Variants in PLCH2 observed in about 807,000 individuals in gnomAD.
PLCH2 encodes phospholipase C eta 2.
In PLCH2, 98 loss-of-function variants were observed where a neutral mutation model predicts 134.7. The ratio of observed to expected loss-of-function variants is 0.73; its 90% CI spans 0.62 to 0.86. The LOEUF (loss-of-function observed/expected upper bound fraction) is 0.86. PLCH2 is among the 40% of genes least tolerant of loss of function. The pLI, the probability that PLCH2 is intolerant of heterozygous loss-of-function variation, is 0.00. For synonymous variants in PLCH2, 974 were observed against 827.5 expected (o/e 1.18, Z -3.04); for missense variants, 1,994 against 1,986.6 (o/e 1.00, Z -0.07).
chr1:2,489,508 C>T (rs938707613), intron 9 of PLCH2, 130 bp downstream of exon 9: 2 of 958,762 alleles, frequency 2.1e-6, no homozygotes, highest in Non-Finnish European at 1.6e-6. Context: ...GCTGGCCACG[C>T]TCCTGACCTG....
At chr1:2,422,684 T>C (rs893254500), upstream of PLCH2, among the ~76,000 whole-genome samples, 3 of 152,262 alleles carry the variant, frequency 2.0e-5, no homozygotes, top group Non-Finnish European at 4.4e-5. Flanking sequence ...TTTTTTGTTT[T>C]TGTTATGTTT....
At chr1:2,440,706 G>A (rs1394540044) in intron 2 of PLCH2, among the ~76,000 whole-genome samples, 1 of 151,590 alleles carries the variant, frequency 6.6e-6, no homozygotes, top group Non-Finnish European at 1.5e-5. Context: ...CGGCCTGCCC[G>A]GGGATCTTGC....
intron 11 of PLCH2, 50 bp from the exon 12 acceptor site, chr1:2,494,806 C>T (rs1642786351): frequency 7.3e-7 from 1 of 1,375,428 alleles, no homozygotes; most frequent in African/African-American, 1.4e-5. Context: ...GGCCTCCCTG[C>T]CTGGTTCAAG....
intron 2 of PLCH2, among the ~76,000 whole-genome samples, chr1:2,438,620 C>T (rs1439534523): frequency 1.3e-5 from 2 of 152,186 alleles, no homozygotes; most frequent in Non-Finnish European, 2.9e-5. Flanking sequence ...TTGCCGATTG[C>T]CCAAGAGAGA....
At chr1:2,489,937 C>A in intron 10 of PLCH2, 70 bp downstream of exon 10, 1 of 1,154,586 alleles carries the variant, frequency 8.7e-7, no homozygotes, top group Non-Finnish European at 1.3e-6. Context: ...TCCGTCCTTG[C>A]TGTTGGGGCG....
At chr1:2,416,056 G>T in the PLCH2 span, among the ~76,000 whole-genome samples, 1 of 152,230 alleles carries the variant, frequency 6.6e-6, no homozygotes, top group Non-Finnish European at 1.5e-5. Context: ...GCGGTGGGCA[G>T]CCCCGCAGGT....
chr1:2,419,766 C>T, the PLCH2 span, among the ~76,000 whole-genome samples: 11 of 152,200 alleles, frequency 7.2e-5, no homozygotes, highest in Middle Eastern at 3.4e-3. Context: ...ACTTGGGGGC[C>T]GCTCATCCTT....
chr1:2,502,540 G>T, intron 21 of PLCH2, 131 bp downstream of exon 21: 2 of 991,000 alleles, frequency 2.0e-6, no homozygotes, highest in Non-Finnish European at 3.1e-6. Context: ...GCGCCGGCGT[G>T]AACACCGGGG....
chr1:2,474,130 C>T (rs1260102718), upstream of PLCH2, among the ~76,000 whole-genome samples: 1 of 151,928 alleles, frequency 6.6e-6, no homozygotes, highest in Non-Finnish European at 1.5e-5. Context: ...GGGCTGGGCT[C>T]GCCTGCCGGC....
At chr1:2,495,453 A>G (rs1245529930) in intron 12 of PLCH2, 35 bp from the exon 13 acceptor site, 1 of 1,538,542 alleles carries the variant, frequency 6.5e-7, no homozygotes, top group Non-Finnish European at 8.8e-7. Context: ...CCTGGGCCAG[A>G]GGCCCTACAG....
chr1:2,482,619 G>A (rs368609951), intron 4 of PLCH2, among the ~76,000 whole-genome samples: 18 of 152,028 alleles, frequency 1.2e-4, no homozygotes, highest in African/African-American at 3.4e-4. Flanking sequence ...GGTGTAGGGC[G>A]TGTGGCAGCC....
At position 2,503,232 on chromosome 1, in the gene PLCH2, C is replaced by T. The variant is rs967778237; in HGVS notation, c.2960-690C>T. On this transcript the variant is annotated intron_variant, in intron 21 of 21. Transcript: ENST00000378486. ...CATGCTGGGCCCCTCCGGCTGGGCG[C>T]TTCCCCAAACTCACCTCCTGGGCGG... 1.4e-5 allele frequency: 8 copies of T among 564,238 alleles called. No individual in the cohort carries two copies. The African/African-American group carries it at 1.5e-4, about 11-fold the overall frequency. 35.0% of individuals were successfully genotyped at this position (564,238 alleles called of 1,614,324 possible).
At chr1:2,482,357 C>G (rs111464938) in intron 4 of PLCH2, among the ~76,000 whole-genome samples, 3 of 152,330 alleles carry the variant, frequency 2.0e-5, no homozygotes, top group East Asian at 1.9e-4. Context: ...AGCCCAGGCT[C>G]TGTCCCATGG....
intron 1 of PLCH2, among the ~76,000 whole-genome samples, chr1:2,470,195 T>A (rs535279698): frequency 6.6e-6 from 1 of 152,334 alleles, no homozygotes; most frequent in South Asian, 2.1e-4. Flanking sequence ...GGCCCCTGGC[T>A]GCTCCGACTT....
chr1:2,458,311 C>T (rs1640599014), intron 2 of PLCH2, among the ~76,000 whole-genome samples: 1 of 152,226 alleles, frequency 6.6e-6, no homozygotes, highest in Admixed American at 6.5e-5. Flanking sequence ...CTTGTGCAGG[C>T]ATCCAGCTGC....
chr1:2,423,956 T>G (rs1442540407), upstream of PLCH2, among the ~76,000 whole-genome samples: 1 of 152,170 alleles, frequency 6.6e-6, no homozygotes, highest in Non-Finnish European at 1.5e-5. Context: ...TGAATAATTT[T>G]ATAAAGTTTA....
At chr1:2,471,824 C>A (rs1217960102), upstream of PLCH2, among the ~76,000 whole-genome samples, 1 of 152,182 alleles carries the variant, frequency 6.6e-6, no homozygotes, top group African/African-American at 2.4e-5. Flanking sequence ...AAAGTCAGGC[C>A]CCAGGGCCCC....
chr1:2,417,544 G>A, the PLCH2 span, among the ~76,000 whole-genome samples: 4,454 of 152,286 alleles, frequency 0.029, 107 homozygotes, highest in Non-Finnish European at 0.042. Flanking sequence ...GAGGACCCAC[G>A]AGGGAGGCCC....
chr1:2,478,792 G>A (rs1641786211), intron 2 of PLCH2, among the ~76,000 whole-genome samples, 170 bp downstream of exon 2: 1 of 152,158 alleles, frequency 6.6e-6, no homozygotes, highest in African/African-American at 2.4e-5. Context: ...TGTGGGGTAG[G>A]AGGGATCCAG....
Sources: allele counts gnomAD v4.1 joint callset (sites outside exome capture counted in the v4.1 genomes callset), GRCh38; gene constraint gnomAD v4.1.1; transcripts MANE v1.5; gene names NCBI Gene and HGNC (gene_info 2026-07-23, HGNC 2026-07-21).